PRKN: variants seen among roughly 807,000 people sequenced by gnomAD.
PRKN encodes the protein E3 ubiquitin-protein ligase parkin.
PRKN carries 56 observed loss-of-function variants against 59.5 expected under a neutral mutation model. That is an observed-to-expected ratio of 0.94 (90% CI 0.76 to 1.18). PRKN has a LOEUF of 1.18. PRKN is among the 50% of genes most tolerant of loss of function. PRKN has a pLI of 0.00. For missense variants in PRKN, 657 were observed against 596.4 expected (o/e 1.10, Z -1.06); for synonymous variants, 250 against 222.1 (o/e 1.13, Z -1.12).
intron 1 of PRKN, among the ~76,000 whole-genome samples, chr6:162,625,496 A>G (rs1782847062): frequency 6.6e-6 from 1 of 152,192 alleles, no homozygotes. Context: ...ACCTAAGATG[A>G]GAAGGCAAGT....
intron 5 of PRKN, among the ~76,000 whole-genome samples, chr6:162,029,489 T>C (rs1783559226): frequency 6.6e-6 from 1 of 152,152 alleles, no homozygotes; most frequent in Non-Finnish European, 1.5e-5. Flanking sequence ...AAATGCGTAC[T>C]TGTGCTGCTG....
chr6:162,411,289 T>G (rs1788343062), intron 2 of PRKN, among the ~76,000 whole-genome samples: 1 of 152,196 alleles, frequency 6.6e-6, no homozygotes, highest in South Asian at 2.1e-4. Flanking sequence ...TAAGGTATCT[T>G]CTGATAACAG....
chr6:161,351,531 G>C (rs1029543834), intron 11 of PRKN, among the ~76,000 whole-genome samples: 2 of 151,884 alleles, frequency 1.3e-5, no homozygotes, highest in East Asian at 1.9e-4. Flanking sequence ...TGCCATGTTG[G>C]CCAGGCTGGT....
chr6:161,815,453 C>A (rs374992980), intron 6 of PRKN, among the ~76,000 whole-genome samples: 71 of 152,266 alleles, frequency 4.7e-4, no homozygotes, highest in African/African-American at 1.6e-3. Context: ...TAACGCAGAT[C>A]CTAATATCCA....
At chr6:162,102,765 C>T (rs1003792489) in intron 4 of PRKN, among the ~76,000 whole-genome samples, 5 of 152,092 alleles carry the variant, frequency 3.3e-5, no homozygotes, top group African/African-American at 1.2e-4. Context: ...ATAACTTGCC[C>T]GGGCGCGGTG....
chr6:162,251,895 T>C (rs931670357), intron 3 of PRKN, among the ~76,000 whole-genome samples: 1 of 152,226 alleles, frequency 6.6e-6, no homozygotes, highest in African/African-American at 2.4e-5. Flanking sequence ...TACCTCTTGA[T>C]AGTTTTCCAT....
intron 7 of PRKN, among the ~76,000 whole-genome samples, chr6:161,608,159 T>C (rs1217535201): frequency 1.3e-5 from 2 of 152,124 alleles, no homozygotes; most frequent in Non-Finnish European, 2.9e-5. Context: ...TCAGAATGCA[T>C]GTCTCCAATT....
chr6:162,190,008 A>G (rs1784204437), intron 4 of PRKN, among the ~76,000 whole-genome samples: 1 of 152,166 alleles, frequency 6.6e-6, no homozygotes, highest in Non-Finnish European at 1.5e-5. Context: ...ATTAAAAAAA[A>G]TAGGGTCATT....
intron 5 of PRKN, among the ~76,000 whole-genome samples, chr6:161,993,212 T>C (rs1252209599): frequency 6.6e-6 from 1 of 151,864 alleles, no homozygotes; most frequent in Non-Finnish European, 1.5e-5. Flanking sequence ...CTAGTTAGAA[T>C]AACCAAGAAA....
At position 161,897,984 on chromosome 6, in the gene PRKN, A is replaced by AAAAAAAAAAAAAAAAAAAAAAAAT. The variant is rs1554244227; in HGVS notation, c.734+75317_734+75318insATTTTTTTTTTTTTTTTTTTTTTT. Reference sequence around the variant, plus strand: ...TCCGTCTCAAAAAAAAAAAAAAAAAAGTCTCCCAGTTGCATAGAAAAGGTT... The same window carrying AAAAAAAAAAAAAAAAAAAAAAAAT: ...TCCGTCTCAAAAAAAAAAAAAAAAAAAAAAAAAAAAAAAAAAAAAAAAATGTCTCCCAGTTGCATAGAAAAGGTT... On this transcript the variant is annotated intron_variant, in intron 6 of 11. Transcript: ENST00000366898. Among the ~76,000 whole-genome samples, 138 of 117,610 alleles carry AAAAAAAAAAAAAAAAAAAAAAAAT rather than the reference A, an allele frequency of 1.2e-3. 14 individuals are homozygous for AAAAAAAAAAAAAAAAAAAAAAAAT. The highest frequency in any genetic ancestry group is 5.3e-3 in the African/African-American group (126 of 23,972). The allele number at this position is 117,610 out of a possible 152,430, so 77.2% of individuals were successfully genotyped here. A position where few individuals can be genotyped will look rare whatever the true frequency, so the allele number is the denominator to read the frequency against.
intron 7 of PRKN, among the ~76,000 whole-genome samples, chr6:161,654,021 G>A (rs769366163): frequency 2.6e-5 from 4 of 151,838 alleles, no homozygotes; most frequent in African/African-American, 7.3e-5. Context: ...TTTTAAAGAT[G>A]GGGATCTTGC....
chr6:161,370,238 C>T (rs1253462070), intron 10 of PRKN, among the ~76,000 whole-genome samples: 1 of 151,786 alleles, frequency 6.6e-6, no homozygotes, highest in Non-Finnish European at 1.5e-5. Flanking sequence ...TATAAACACA[C>T]ACACACACAC....
intron 6 of PRKN, among the ~76,000 whole-genome samples, chr6:161,909,707 G>GT (rs1778283392): frequency 6.6e-6 from 1 of 152,154 alleles, no homozygotes; most frequent in African/African-American, 2.4e-5. Context: ...CTAAAAGCAG[G>GT]TTTTACCCTG....
intron 4 of PRKN, among the ~76,000 whole-genome samples, chr6:162,092,733 T>G (rs1034158868): frequency 4.6e-4 from 70 of 152,226 alleles, no homozygotes; most frequent in Admixed American, 4.6e-3. Flanking sequence ...GCAAGTTCTA[T>G]ACAAAGCTAC....
chr6:161,631,772 A>C (rs62436806), intron 7 of PRKN, among the ~76,000 whole-genome samples: 2 of 150,360 alleles, frequency 1.3e-5, no homozygotes, highest in Non-Finnish European at 3.0e-5. Context: ...CACCCAGACA[A>C]ACACACACAC....
chr6:162,379,729 C>T (rs1418856538), intron 2 of PRKN, among the ~76,000 whole-genome samples: 1 of 152,184 alleles, frequency 6.6e-6, no homozygotes, highest in Non-Finnish European at 1.5e-5. Context: ...ACATATTATC[C>T]TCCATTATGA....
intron 7 of PRKN, among the ~76,000 whole-genome samples, chr6:161,736,624 G>A (rs4708926): frequency 0.56 from 84,616 of 152,060 alleles, 24,098 homozygotes; most frequent in East Asian, 0.77. Context: ...AAGAAGCCTT[G>A]TCTCTGAAGT....
At chr6:161,733,824 A>G (rs1787849905) in intron 7 of PRKN, among the ~76,000 whole-genome samples, 2 of 141,216 alleles carry the variant, frequency 1.4e-5, no homozygotes, top group Non-Finnish European at 3.1e-5. Flanking sequence ...ATATATATGT[A>G]TTCCAAAGTG....
intron 5 of PRKN, among the ~76,000 whole-genome samples, chr6:162,042,462 T>TA (rs1209650758): frequency 2.0e-5 from 3 of 151,604 alleles, no homozygotes; most frequent in Non-Finnish European, 4.4e-5. Context: ...TTTTTTTTTT[T>TA]ATTTTTCATA....
Sources: allele counts gnomAD v4.1 joint callset (sites outside exome capture counted in the v4.1 genomes callset), GRCh38; gene constraint gnomAD v4.1.1; transcripts MANE v1.5; gene names NCBI Gene and HGNC (gene_info 2026-07-23, HGNC 2026-07-21).